ETNK1: variants seen among roughly 807,000 people sequenced by gnomAD.
ETNK1 encodes putative protein product of Nbla10396.
A neutral mutation model predicts 45.1 loss-of-function variants in ETNK1; 8 were observed. The observed-to-expected ratio is 0.18, with a 90% CI of 0.10 to 0.32. The LOEUF is 0.32. ETNK1 is among the 10% of genes least tolerant of loss of function. The pLI is 1.00. For missense variants in ETNK1, 302 were observed against 430.6 expected (o/e 0.70, Z 2.64); for synonymous variants, 152 against 151.9 (o/e 1.00, Z -0.01).
In ETNK1 at chr12:22,665,415, T is replaced by C. The variant is rs1396026800; in HGVS notation, c.700+4210T>C. Reference sequence around the variant, plus strand: ...TGCTTTATTTGTAACTTAGAGACAATATCTACTTCAGATGGATGCTGACAA... The same window carrying C: ...TGCTTTATTTGTAACTTAGAGACAACATCTACTTCAGATGGATGCTGACAA... On this transcript the variant is annotated intron_variant, in intron 4 of 7. Transcript: ENST00000266517. 2.6e-5 allele frequency among the ~76,000 whole-genome samples: 4 copies of C among 152,184 alleles called. No homozygotes were observed. The South Asian group carries it at 8.3e-4, about 31-fold the overall frequency.
chr12:22,625,684 C>T, intron 1 of ETNK1, 98 bp downstream of exon 1: 13 of 1,481,160 alleles, frequency 8.8e-6, no homozygotes, highest in Non-Finnish European at 1.1e-5. Context: ...CCGAGGAGGA[C>T]CTAGGGCAAC....
intron 2 of ETNK1, among the ~76,000 whole-genome samples, chr12:22,657,283 T>C (rs1346212410): frequency 2.0e-5 from 3 of 152,206 alleles, no homozygotes; most frequent in Non-Finnish European, 1.5e-5. Context: ...TGAACCAAAG[T>C]ACACATATAT....
intron 2 of ETNK1, among the ~76,000 whole-genome samples, chr12:22,657,683 T>C (rs1953959149): frequency 6.6e-6 from 1 of 152,210 alleles, no homozygotes; most frequent in South Asian, 2.1e-4. Flanking sequence ...TTGGGTAATA[T>C]GTGCTGAACC....
intron 1 of ETNK1, among the ~76,000 whole-genome samples, chr12:22,640,431 T>A (rs865837408): frequency 5.9e-5 from 9 of 151,826 alleles, no homozygotes; most frequent in Non-Finnish European, 1.5e-5. Flanking sequence ...GAAAGAGAAT[T>A]TGCCCAGAAA....
intron 4 of ETNK1, among the ~76,000 whole-genome samples, chr12:22,664,849 A>G (rs562025563): frequency 1.7e-3 from 257 of 152,282 alleles, no homozygotes; most frequent in Non-Finnish European, 2.9e-3. Context: ...ACCAATAGAT[A>G]AAACGTAATA....
Position 22,639,036 on chromosome 12 carries a change from A to G in ETNK1, c.157-4727A>G, listed in dbSNP as rs563731028. The G allele has an allele frequency of 3.9e-5, 6 of 152,224 alleles. 1 individual carries two copies. The South Asian group carries it at 8.3e-4, about 21-fold the overall frequency. 9.4% of individuals were successfully genotyped at this position (152,224 alleles called of 1,614,324 possible). A position where few individuals can be genotyped will look rare whatever the true frequency, so the allele number is the denominator to read the frequency against. ...ATTTTACCTCAAAAAGTATTTTTATACGTATTTGTTTGAGTTAGGAAACAA... is the reference window on the plus strand; with the variant it reads ...ATTTTACCTCAAAAAGTATTTTTATGCGTATTTGTTTGAGTTAGGAAACAA... On this transcript the variant is annotated intron_variant, in intron 1 of 7. Transcript: ENST00000266517.
chr12:22,658,674 G>A (rs1367515167), intron 2 of ETNK1, among the ~76,000 whole-genome samples: 1 of 152,188 alleles, frequency 6.6e-6, no homozygotes, highest in Non-Finnish European at 1.5e-5. Context: ...AAGGAGCAGG[G>A]TCGGGGTTGG....
At chr12:22,683,430 G>T (rs1307413857) in intron 6 of ETNK1, among the ~76,000 whole-genome samples, 1 of 151,760 alleles carries the variant, frequency 6.6e-6, no homozygotes, top group Non-Finnish European at 1.5e-5. Flanking sequence ...AGTGCAGAGT[G>T]CTTTTTAAAT....
intron 4 of ETNK1, among the ~76,000 whole-genome samples, chr12:22,665,315 A>G (rs1169413553): frequency 6.6e-6 from 1 of 152,186 alleles, no homozygotes; most frequent in Non-Finnish European, 1.5e-5. Flanking sequence ...TAATTTTTAT[A>G]GATAGGCTTA....
intron 2 of ETNK1, among the ~76,000 whole-genome samples, chr12:22,650,109 G>T (rs1953856258): frequency 6.6e-6 from 1 of 151,920 alleles, no homozygotes; most frequent in African/African-American, 2.4e-5. Flanking sequence ...TTCATTACTG[G>T]TATGTAGGAA....
chr12:22,652,264 A>G (rs1953887407), intron 2 of ETNK1, among the ~76,000 whole-genome samples: 1 of 152,292 alleles, frequency 6.6e-6, no homozygotes, highest in African/African-American at 2.4e-5. Flanking sequence ...CCATGGATGT[A>G]TACTTGGGCA....
chr12:22,631,462 A>G (rs533109181), intron 1 of ETNK1, among the ~76,000 whole-genome samples: 1 of 152,354 alleles, frequency 6.6e-6, no homozygotes, highest in East Asian at 1.9e-4. Flanking sequence ...GGTGTGAGCC[A>G]CTGCGCCCGG....
intron 4 of ETNK1, among the ~76,000 whole-genome samples, chr12:22,670,602 T>C (rs1954098233): frequency 6.6e-6 from 1 of 152,164 alleles, no homozygotes; most frequent in Non-Finnish European, 1.5e-5. Context: ...ATTTCTCACG[T>C]TTATAAACGT....
chr12:22,637,938 CTT>C (rs1198039663), intron 1 of ETNK1, among the ~76,000 whole-genome samples: 1 of 151,824 alleles, frequency 6.6e-6, no homozygotes, highest in East Asian at 1.9e-4. Flanking sequence ...AATGTGTAGA[CTT>C]TACAGAAAAG....
chr12:22,672,586 G>A (rs528757281), intron 5 of ETNK1, among the ~76,000 whole-genome samples: 33 of 152,238 alleles, frequency 2.2e-4, no homozygotes, highest in Admixed American at 2.0e-3. Flanking sequence ...GGCCACTGCC[G>A]TGGATATGAA....
At chr12:22,670,995 T>C (rs1954101996) in intron 4 of ETNK1, 1 of 305,364 alleles carries the variant, frequency 3.3e-6, no homozygotes, top group East Asian at 7.6e-5. Context: ...ATTTTGCTTT[T>C]GCTTAAACTT....
intron 1 of ETNK1, among the ~76,000 whole-genome samples, chr12:22,640,641 A>G (rs529946444): frequency 1.7e-3 from 261 of 152,250 alleles, no homozygotes; most frequent in African/African-American, 6.0e-3. Flanking sequence ...GCACTGTTCT[A>G]AGTACTTTTA....
At chr12:22,681,543 A>G (rs982135007) in intron 6 of ETNK1, among the ~76,000 whole-genome samples, 6 of 152,108 alleles carry the variant, frequency 3.9e-5, no homozygotes, top group African/African-American at 1.4e-4. Context: ...CATACTTAAA[A>G]TGTTTTTGAA....
chr12:22,676,660 T>C (rs1277439631), intron 6 of ETNK1, among the ~76,000 whole-genome samples: 1 of 152,142 alleles, frequency 6.6e-6, no homozygotes, highest in Non-Finnish European at 1.5e-5. Flanking sequence ...CCACATCCTC[T>C]CCGGCATCTA....
Sources: allele counts gnomAD v4.1 joint callset (sites outside exome capture counted in the v4.1 genomes callset), GRCh38; gene constraint gnomAD v4.1.1; transcripts MANE v1.5; gene names NCBI Gene and HGNC (gene_info 2026-07-23, HGNC 2026-07-21).